Variants in ADCY9 observed in about 807,000 individuals in gnomAD.
ADCY9 encodes the protein adenylate cyclase 9.
Under a neutral mutation model 101.5 loss-of-function variants are expected in ADCY9, and 50 were observed. The ratio of observed to expected loss-of-function variants is 0.49; its 90% CI spans 0.39 to 0.62. The LOEUF (loss-of-function observed/expected upper bound fraction) is 0.62, where lower values mean the gene tolerates loss of function less well. ADCY9 is among the 20% of genes least tolerant of loss of function. The pLI, the probability that ADCY9 is intolerant of heterozygous loss-of-function variation, is 0.00. For synonymous variants in ADCY9, 905 were observed against 769.3 expected, an observed-to-expected ratio of 1.18 and a Z score of -2.92; for missense variants, 1,662 against 1,800.4, an observed-to-expected ratio of 0.92 and a Z score of 1.39.
chr16:4,046,499 T>C (rs1173770102), intron 2 of ADCY9, among the ~76,000 whole-genome samples: 1 of 152,138 alleles, frequency 6.6e-6, no homozygotes, highest in Non-Finnish European at 1.5e-5. Context: ...TTCCCACTCA[T>C]CCAGAGGAAA....
chr16:4,094,643 A>G (rs572762798), intron 2 of ADCY9, among the ~76,000 whole-genome samples: 177 of 152,206 alleles, frequency 1.2e-3, no homozygotes, highest in African/African-American at 4.2e-3. Context: ...GAAAAAAAAA[A>G]GGGAGAAGAA....
chr16:3,977,472 G>A lies in ADCY9; in HGVS notation c.2828+10C>T. On this transcript the variant is annotated intron_variant, in intron 9 of 10. Transcript: ENST00000294016. ...CACCCTGGTGCCCGCAAGCAGTGCT[G>A]GCCGCGTACCTGTCTGGGCACAGGG... is the stretch of plus-strand genomic sequence containing the variant. The A allele has an allele frequency of 6.4e-7, 1 of 1,553,182 alleles. No individual in the cohort carries two copies.
At chr16:4,005,914 C>G (rs536803375) in intron 3 of ADCY9, among the ~76,000 whole-genome samples, 4 of 152,312 alleles carry the variant, frequency 2.6e-5, no homozygotes, top group African/African-American at 9.6e-5. Flanking sequence ...CCCACGCCAG[C>G]CCCTCCCTGC....
intron 2 of ADCY9, among the ~76,000 whole-genome samples, chr16:4,083,802 C>A (rs2056920135): frequency 6.6e-6 from 1 of 152,146 alleles, no homozygotes; most frequent in Non-Finnish European, 1.5e-5. Flanking sequence ...ATGTCCAGAA[C>A]AGGCAAATGC....
intron 2 of ADCY9, among the ~76,000 whole-genome samples, chr16:4,089,266 A>G (rs1175990058): frequency 1.3e-5 from 2 of 151,792 alleles, no homozygotes; most frequent in African/African-American, 2.4e-5. Flanking sequence ...GGATTTTGAC[A>G]TGTTGCCCAG....
chr16:4,042,382 AGAGAG>A (rs1224448392), intron 2 of ADCY9, among the ~76,000 whole-genome samples: 1 of 152,192 alleles, frequency 6.6e-6, no homozygotes, highest in African/African-American at 2.4e-5. Flanking sequence ...ATTTCTAAAA[AGAGAG>A]GAAAAATATA....
intron 2 of ADCY9, among the ~76,000 whole-genome samples, chr16:4,014,196 G>A (rs548855819): frequency 9.5e-4 from 144 of 152,036 alleles, no homozygotes; most frequent in Non-Finnish European, 1.6e-3. Flanking sequence ...GCACATGCCT[G>A]TAATCCCAGC....
chr16:4,059,105 G>T (rs1057011590), intron 2 of ADCY9, among the ~76,000 whole-genome samples: 5 of 152,020 alleles, frequency 3.3e-5, no homozygotes, highest in Non-Finnish European at 5.9e-5. Context: ...AGAAAAACCG[G>T]CCGTGCACGA....
intron 7 of ADCY9, among the ~76,000 whole-genome samples, chr16:3,980,814 C>T (rs1197518902): frequency 1.3e-5 from 2 of 152,192 alleles, no homozygotes; most frequent in African/African-American, 4.8e-5. Flanking sequence ...ACCAAGTTCC[C>T]AGTCAGCAGC....
intron 3 of ADCY9, among the ~76,000 whole-genome samples, chr16:3,995,102 C>G (rs2056276484): frequency 1.3e-5 from 2 of 152,168 alleles, no homozygotes. Flanking sequence ...CCTCAGTTCC[C>G]TCATCTATAA....
In ADCY9 at chr16:4,077,703, T is replaced by C. The variant is rs528192174; in HGVS notation, c.1693+36047A>G. 1.2e-4 allele frequency among the ~76,000 whole-genome samples: 19 copies of C among 152,278 alleles called. No individual in the cohort carries two copies. The South Asian group carries it at 3.9e-3, about 32-fold the overall frequency. On this transcript the variant is annotated intron_variant, in intron 2 of 10. Transcript: ENST00000294016. ...GAAAAATCTAAGGCTATCTGATTTT[T>C]AAAAATCAGACACAGGCCAGGCGCG...
At chr16:4,081,575 G>A (rs962930161) in intron 2 of ADCY9, among the ~76,000 whole-genome samples, 1 of 152,220 alleles carries the variant, frequency 6.6e-6, no homozygotes, top group African/African-American at 2.4e-5. Flanking sequence ...GACAGTCATA[G>A]CCCAGCTCGA....
At chr16:4,049,337 C>T (rs1435619547) in intron 2 of ADCY9, among the ~76,000 whole-genome samples, 2 of 152,148 alleles carry the variant, frequency 1.3e-5, no homozygotes, top group African/African-American at 4.8e-5. Context: ...TCGGAAGGGG[C>T]AGCACCCACC....
intron 10 of ADCY9, among the ~76,000 whole-genome samples, chr16:3,971,984 A>G (rs2056055947): frequency 6.6e-6 from 1 of 152,216 alleles, no homozygotes; most frequent in South Asian, 2.1e-4. Context: ...AGGGAGAGGA[A>G]GGCAGAGCAC....
intron 2 of ADCY9, among the ~76,000 whole-genome samples, chr16:4,029,904 A>T (rs547957905): frequency 6.6e-5 from 10 of 152,296 alleles, no homozygotes; most frequent in Non-Finnish European, 8.8e-5. Context: ...GGGAACTGCA[A>T]ATCAAATACA....
chr16:4,034,430 G>A (rs922890999), intron 2 of ADCY9, among the ~76,000 whole-genome samples: 2 of 152,096 alleles, frequency 1.3e-5, no homozygotes, highest in African/African-American at 2.4e-5. Context: ...CTTTTTTTGA[G>A]ACAAGGTCTC....
At chr16:3,956,385 A>T (rs1226120108) in intron 5 of ADCY9, among the ~76,000 whole-genome samples, 2 of 152,054 alleles carry the variant, frequency 1.3e-5, no homozygotes, top group Non-Finnish European at 2.9e-5. Flanking sequence ...TTGTGATAGA[A>T]TTTATTGTGT....
At chr16:4,062,188 T>C (rs1189818531) in intron 2 of ADCY9, among the ~76,000 whole-genome samples, 1 of 152,074 alleles carries the variant, frequency 6.6e-6, no homozygotes, top group African/African-American at 2.4e-5. Context: ...CTTTAAAAAG[T>C]AGACTGTGAT....
intron 2 of ADCY9, among the ~76,000 whole-genome samples, chr16:4,111,470 C>T (rs2057113540): frequency 6.6e-6 from 1 of 152,102 alleles, no homozygotes; most frequent in Non-Finnish European, 1.5e-5. Context: ...AGGCTAAAAT[C>T]GATCTTACAT....
Sources: allele counts gnomAD v4.1 joint callset (sites outside exome capture counted in the v4.1 genomes callset), GRCh38; gene constraint gnomAD v4.1.1; transcripts MANE v1.5; gene names NCBI Gene and HGNC (gene_info 2026-07-23, HGNC 2026-07-21).